VPS13C: variants seen among roughly 807,000 people sequenced by gnomAD.
VPS13C encodes the protein vacuolar protein sorting 13 homolog C.
A neutral mutation model predicts 456.8 loss-of-function variants in VPS13C; 358 were observed. The observed-to-expected ratio is 0.78, with a 90% CI of 0.72 to 0.86. The LOEUF (loss-of-function observed/expected upper bound fraction) is 0.86, where lower values mean the gene tolerates loss of function less well. Among genes scored for constraint, VPS13C ranks in the 40% least tolerant of loss-of-function variants. The pLI is 0.00. For missense variants in VPS13C, 4,818 were observed against 4,385.4 expected (o/e 1.10, Z -2.79); for synonymous variants, 1,578 against 1,486.7 (o/e 1.06, Z -1.41).
At chr15:61,922,258 G>T in intron 54 of VPS13C, 139 bp downstream of exon 54, 1 of 1,192,272 alleles carries the variant, frequency 8.4e-7, no homozygotes, top group Non-Finnish European at 1.2e-6. Context: ...ACAATACATC[G>T]ACAAATTAAA....
At chr15:62,025,512 G>A (rs1184109118) in intron 6 of VPS13C, among the ~76,000 whole-genome samples, 1 of 152,004 alleles carries the variant, frequency 6.6e-6, no homozygotes, top group Non-Finnish European at 1.5e-5. Context: ...ATTCCACTTG[G>A]CTAGAACAGC....
intron 67 of VPS13C, among the ~76,000 whole-genome samples, chr15:61,888,127 A>C (rs1896400259): frequency 6.6e-6 from 1 of 152,222 alleles, no homozygotes; most frequent in Non-Finnish European, 1.5e-5. Flanking sequence ...AGAAAACCGC[A>C]AAGTAAAACA....
intron 66 of VPS13C, among the ~76,000 whole-genome samples, chr15:61,897,013 G>A (rs2140097445): frequency 6.6e-6 from 1 of 152,268 alleles, no homozygotes; most frequent in South Asian, 2.1e-4. Flanking sequence ...ACACGGCAGG[G>A]TACTCCAACA....
chr15:61,997,704 C>T (rs769960097), intron 16 of VPS13C, among the ~76,000 whole-genome samples: 2 of 152,196 alleles, frequency 1.3e-5, no homozygotes, highest in Non-Finnish European at 2.9e-5. Context: ...TCAGGAAATA[C>T]TGGCTGTACC....
intron 74 of VPS13C, among the ~76,000 whole-genome samples, chr15:61,878,175 A>C (rs1437194005): frequency 6.6e-6 from 1 of 151,636 alleles, no homozygotes; most frequent in East Asian, 1.9e-4. Context: ...TGTACATGTA[A>C]GGTAAAAATG....
Position 61,920,147 on chromosome 15 carries a change from T to C in VPS13C, c.7397A>G (p.Tyr2466Cys), listed in dbSNP as rs759672531. The change falls in exon 57 of 85, where the codon TAT (tyrosine) becomes TGT (cysteine). Residue 2466 changes from tyrosine (Y) to cysteine (C), a missense_variant. Transcript: ENST00000644861. ...TTGACTTGAAGGTACCATGCTGGCA[T>C]ACTCCAGTTCCAAATTCTGGCCAGC... ...VDAGQNLELE[Y>C]ASMVPSSQGN... 2 of 1,613,614 alleles carry C rather than the reference T, an allele frequency of 1.2e-6. No homozygotes were observed. Among genetic ancestry groups the C allele is most frequent in the South Asian group, 2.2e-5 (2 of 91,050 alleles).
chr15:62,010,869 T>A (rs774892513), intron 12 of VPS13C, among the ~76,000 whole-genome samples: 1 of 152,184 alleles, frequency 6.6e-6, no homozygotes, highest in Non-Finnish European at 1.5e-5. Context: ...GACAATCTAC[T>A]CTTGGTTATT....
rs1452721485 is a variant in VPS13C at position 61,854,928 on chromosome 15, G to A, written c.11103C>T (p.Asp3701=). The part of the protein sequence containing the change: ...VKEQGLFHKK[D]SANQGCVRKV... ...TTCGAACACAGCCTTGATTGGCACT[G>A]TCTTTTTTGTGGAACAGACCCTGTT... Residue 3701 remains aspartate, a synonymous_variant, in exon 84 of 85, where the codon GAC becomes GAT. Transcript: ENST00000644861. The A allele has an allele frequency of 1.2e-6, 2 of 1,612,998 alleles. No homozygotes were observed. Among genetic ancestry groups the A allele is most frequent in the Admixed American group, 1.7e-5 (1 of 59,766 alleles).
chr15:61,931,605 T>A (rs2044059769), intron 49 of VPS13C, among the ~76,000 whole-genome samples: 1 of 149,912 alleles, frequency 6.7e-6, no homozygotes. Context: ...TGAGATGGAG[T>A]TTCGCTCTGT....
At position 62,010,504 on chromosome 15, in the gene VPS13C, G is replaced by C. The variant is rs768069773; in HGVS notation, c.979C>G (p.Gln327Glu). ...TTGGTCAGTTCAATGGCAATATTTTGTATTTCTATGTTGCAATCCAGTTTG... is the reference window on the plus strand; with the variant it reads ...TTGGTCAGTTCAATGGCAATATTTTCTATTTCTATGTTGCAATCCAGTTTG... The part of the protein sequence containing the change: ...TPKLDCNIEI[Q>E]NIAIELTKPQ... Residue 327 changes from glutamine to glutamate, a missense_variant, in exon 13 of 85, where the codon CAA (glutamine) becomes GAA (glutamate). By Grantham distance (29) the Gln-to-Glu change is conservative. This residue lies in a region of VPS13C where 4,552 missense variants were observed against 4,130.6 expected (regional missense o/e 1.10). Coordinates refer to ENST00000644861, the MANE Select transcript of VPS13C (RefSeq NM_020821.3). 3 of 1,613,036 alleles carry C rather than the reference G, an allele frequency of 1.9e-6. No individual in the cohort carries two copies. The Admixed American group carries it at 5.0e-5, about 27-fold the overall frequency.
intron 48 of VPS13C, chr15:61,935,332 C>T (rs1201610029): frequency 6.6e-6 from 1 of 152,162 alleles, no homozygotes; most frequent in Non-Finnish European, 1.5e-5. Flanking sequence ...TACTATAGAA[C>T]AGTCTGTTTT....
At chr15:61,866,380 G>A in intron 81 of VPS13C, 1 of 983,188 alleles carries the variant, frequency 1.0e-6, no homozygotes, top group South Asian at 4.7e-5. Context: ...TTGACAGAGA[G>A]TTATAAAAAG....
chr15:61,856,512 A>G (rs1273831961), intron 82 of VPS13C, 103 bp from the exon 83 acceptor site: 1 of 1,344,164 alleles, frequency 7.4e-7, no homozygotes, highest in Non-Finnish European at 1.0e-6. Flanking sequence ...CTTGCTTAGT[A>G]AACAATATAA....
chr15:62,043,007 T>C (rs767181548), intron 2 of VPS13C, among the ~76,000 whole-genome samples: 20 of 151,622 alleles, frequency 1.3e-4, no homozygotes, highest in Non-Finnish European at 2.2e-4. Flanking sequence ...TTCAAATAAT[T>C]TGTCTCCTTA....
intron 5 of VPS13C, among the ~76,000 whole-genome samples, chr15:62,031,532 A>G (rs1567130275): frequency 6.6e-6 from 1 of 152,020 alleles, no homozygotes; most frequent in Non-Finnish European, 1.5e-5. Context: ...AACAGTTAAG[A>G]AAAAAATAAT....
At chr15:61,861,452 C>A (rs1403079254) in intron 82 of VPS13C, among the ~76,000 whole-genome samples, 1 of 152,146 alleles carries the variant, frequency 6.6e-6, no homozygotes, top group Admixed American at 6.5e-5. Context: ...CAGTATGGCC[C>A]TTAAAGTCTA....
At chr15:61,965,007 TC>T (rs1346229668) in intron 30 of VPS13C, 146 bp from the exon 31 acceptor site, 7 of 742,974 alleles carry the variant, frequency 9.4e-6, no homozygotes, top group Non-Finnish European at 1.5e-5. Context: ...AGATTCACAA[TC>T]CCCTTAAAAA....
intron 9 of VPS13C, among the ~76,000 whole-genome samples, chr15:62,019,779 A>C (rs1365516563): frequency 6.6e-6 from 1 of 151,874 alleles, no homozygotes; most frequent in Non-Finnish European, 1.5e-5. Context: ...TTTGGGGTGG[A>C]CAGTTCTGTA....
intron 9 of VPS13C, 74 bp from the exon 10 acceptor site, chr15:62,014,066 TA>T: frequency 9.5e-7 from 1 of 1,053,950 alleles, no homozygotes; most frequent in South Asian, 1.7e-5. Context: ...TTACATAATG[TA>T]ACAAAATAAT....
Sources: allele counts gnomAD v4.1 joint callset (sites outside exome capture counted in the v4.1 genomes callset), GRCh38; gene constraint gnomAD v4.1.1; regional missense constraint gnomAD v4.1.1; transcripts MANE v1.5; gene names NCBI Gene and HGNC (gene_info 2026-07-23, HGNC 2026-07-21).